Variants in CSMD3 observed in about 807,000 individuals in gnomAD.
CSMD3 encodes CUB and Sushi multiple domains 3.
A neutral mutation model predicts 435.2 loss-of-function variants in CSMD3; 177 were observed. That is an observed-to-expected ratio of 0.41 (90% CI 0.36 to 0.46). The LOEUF (loss-of-function observed/expected upper bound fraction) is 0.46, where lower values mean the gene tolerates loss of function less well. Ranked by LOEUF, CSMD3 falls within the 20% of genes least tolerant of loss-of-function variation. The pLI, the probability that CSMD3 is intolerant of heterozygous loss-of-function variation, is 0.34. For missense variants in CSMD3, 4,265 were observed against 4,504.6 expected (o/e 0.95, Z 1.52); for synonymous variants, 1,656 against 1,520.5 (o/e 1.09, Z -2.07).
Position 112,342,987 on chromosome 8 carries a change from T to TTTA in CSMD3, c.6443-1302_6443-1301insTAA, listed in dbSNP as rs1825288846. On this transcript the variant is annotated intron_variant, in intron 41 of 70. Transcript: ENST00000297405. ...TGAAATGTATTATATATATATATAT[T>TTTA]TATATATATATATTTATATATATAT... Among the ~76,000 whole-genome samples, 3 of 47,288 alleles carry TTTA rather than the reference T, an allele frequency of 6.3e-5. 1 individual carries two copies. The highest frequency in any genetic ancestry group is 1.8e-4 in the African/African-American group (3 of 16,424). The allele number at this position is 47,288 out of a possible 152,430, so 31.0% of individuals were successfully genotyped here.
At chr8:112,295,156 T>C (rs1400333867) in intron 54 of CSMD3, among the ~76,000 whole-genome samples, 1 of 152,166 alleles carries the variant, frequency 6.6e-6, no homozygotes, top group Non-Finnish European at 1.5e-5. Context: ...ATAGCTACGT[T>C]ACATATGTGT....
intron 4 of CSMD3, among the ~76,000 whole-genome samples, chr8:113,110,001 C>T (rs1320212031): frequency 6.6e-6 from 1 of 152,174 alleles, no homozygotes; most frequent in Admixed American, 6.5e-5. Flanking sequence ...AGCTGAGTTT[C>T]CATAAGTATC....
At position 112,335,732 on chromosome 8, in the gene CSMD3, T is replaced by C. The variant is rs528676002; in HGVS notation, c.7020-258A>G. ...CATATTAGTTATAATCAATACATTG[T>C]CTTTGTTTTTTTTTTTTTTTACCAA... On this transcript the variant is annotated intron_variant, in intron 44 of 70. Transcript: ENST00000297405. Among the ~76,000 whole-genome samples the C allele has an allele frequency of 5.7e-5, 8 of 141,546 alleles. No homozygotes were observed. In the South Asian group the frequency reaches 1.5e-3, roughly 27 times the overall value. The allele number at this position is 141,546 out of a possible 152,430, so 92.9% of individuals were successfully genotyped here.
chr8:112,866,450 T>C (rs1006069127), intron 10 of CSMD3, among the ~76,000 whole-genome samples: 5 of 152,158 alleles, frequency 3.3e-5, no homozygotes, highest in African/African-American at 9.7e-5. Flanking sequence ...TTCTTGCCCA[T>C]TGAGGCCTTT....
intron 32 of CSMD3, among the ~76,000 whole-genome samples, chr8:112,427,369 G>A (rs1415614407): frequency 6.6e-6 from 1 of 152,062 alleles, no homozygotes. Context: ...TTACCTCCAT[G>A]CTGTTCTCAT....
intron 1 of CSMD3, among the ~76,000 whole-genome samples, chr8:113,390,309 A>C (rs181357405): frequency 6.6e-6 from 1 of 151,844 alleles, no homozygotes; most frequent in Admixed American, 6.6e-5. Flanking sequence ...ATGCCAAAAC[A>C]ATCTCCATGC....
In CSMD3 at chr8:113,436,834, C is replaced by G. The variant is rs532637489; in HGVS notation, c.21G>C (p.Gly7=). The G allele has an allele frequency of 1.9e-6, 3 of 1,614,110 alleles. No homozygotes were observed. Among genetic ancestry groups the G allele is most frequent in the South Asian group, 1.1e-5 (1 of 91,068 alleles). The change falls in exon 1 of 71, where the codon GGG becomes GGC. Residue 7 remains glycine (G), a synonymous_variant. Coordinates refer to ENST00000297405, the MANE Select transcript of CSMD3 (RefSeq NM_198123.2). MKGIRK[G]ESRAKESKPW... ...GTTTGGATTCCTTTGCTCGGCTTTCCCCTTTGCGGATCCCTTTCATATTAT... is the reference window on the plus strand; with the variant it reads ...GTTTGGATTCCTTTGCTCGGCTTTCGCCTTTGCGGATCCCTTTCATATTAT...
At chr8:113,355,810 TTA>T (rs2094222634) in intron 1 of CSMD3, among the ~76,000 whole-genome samples, 1 of 124,666 alleles carries the variant, frequency 8.0e-6, no homozygotes, top group Non-Finnish European at 1.6e-5. Context: ...AACTATACAT[TTA>T]TCTATCAACC....
At chr8:113,077,986 A>T (rs572704784) in intron 5 of CSMD3, among the ~76,000 whole-genome samples, 1 of 152,330 alleles carries the variant, frequency 6.6e-6, no homozygotes, top group Admixed American at 6.5e-5. Context: ...GCATGAAAAG[A>T]CATTTCTTTA....
At chr8:112,915,251 G>T (rs1361192414) in intron 10 of CSMD3, among the ~76,000 whole-genome samples, 9 of 151,518 alleles carry the variant, frequency 5.9e-5, no homozygotes, top group African/African-American at 1.7e-4. Flanking sequence ...TCAGTGCTTG[G>T]TTTTTTAGTT....
At chr8:112,299,064 T>TAGATAAAAG (rs1449584553) in intron 53 of CSMD3, among the ~76,000 whole-genome samples, 1 of 152,084 alleles carries the variant, frequency 6.6e-6, no homozygotes, top group East Asian at 1.9e-4. Flanking sequence ...CACAACAGCA[T>TAGATAAAAG]AGATAAAAGA....
chr8:112,243,965 T>C (rs555654770), intron 65 of CSMD3, among the ~76,000 whole-genome samples: 3 of 152,032 alleles, frequency 2.0e-5, no homozygotes, highest in Non-Finnish European at 4.4e-5. Context: ...TCAGAAGCTA[T>C]GAGAAGATAG....
At chr8:112,454,827 C>CA (rs574710500) in intron 32 of CSMD3, among the ~76,000 whole-genome samples, 20 of 150,662 alleles carry the variant, frequency 1.3e-4, no homozygotes, top group South Asian at 8.4e-4. Flanking sequence ...TCTGTCTCTA[C>CA]AAAAAAAAAT....
intron 10 of CSMD3, among the ~76,000 whole-genome samples, chr8:112,884,773 T>G (rs2081544771): frequency 6.6e-6 from 1 of 151,836 alleles, no homozygotes; most frequent in South Asian, 2.1e-4. Flanking sequence ...AGAGAAATTA[T>G]GGGAATCAAG....
chr8:112,704,078 TA>T (rs1484735552), intron 13 of CSMD3, among the ~76,000 whole-genome samples: 1 of 152,140 alleles, frequency 6.6e-6, no homozygotes, highest in African/African-American at 2.4e-5. Flanking sequence ...CTGCAGCTAG[TA>T]GTTAAATCAT....
chr8:112,322,442 T>C (rs536246256), intron 45 of CSMD3, among the ~76,000 whole-genome samples: 2 of 152,230 alleles, frequency 1.3e-5, no homozygotes, highest in South Asian at 2.1e-4. Context: ...AATGTGTCCC[T>C]AGAAGCTAAG....
intron 1 of CSMD3, among the ~76,000 whole-genome samples, chr8:113,397,561 T>G (rs922900633): frequency 6.6e-6 from 1 of 152,020 alleles, no homozygotes; most frequent in Non-Finnish European, 1.5e-5. Flanking sequence ...TGGCTCAGGC[T>G]AATCCCAGCA....
chr8:112,640,595 T>A (rs1181297694), intron 20 of CSMD3, among the ~76,000 whole-genome samples: 2 of 119,210 alleles, frequency 1.7e-5, no homozygotes, highest in African/African-American at 3.2e-5. Context: ...AGTTTTGGTG[T>A]TTTTTTTTTC....
At chr8:113,321,299 G>A (rs1319161479) in intron 1 of CSMD3, among the ~76,000 whole-genome samples, 1 of 151,266 alleles carries the variant, frequency 6.6e-6, no homozygotes, top group African/African-American at 2.4e-5. Context: ...TTTTTATATT[G>A]CTGAGCCATA....
Sources: allele counts gnomAD v4.1 joint callset (sites outside exome capture counted in the v4.1 genomes callset), GRCh38; gene constraint gnomAD v4.1.1; transcripts MANE v1.5; gene names NCBI Gene and HGNC (gene_info 2026-07-23, HGNC 2026-07-21).